UNC13C: variants seen among roughly 807,000 people sequenced by gnomAD.
UNC13C encodes the protein protein unc-13 homolog C.
Under a neutral mutation model 245.4 loss-of-function variants are expected in UNC13C, and 174 were observed. The ratio of observed to expected loss-of-function variants is 0.71; its 90% CI spans 0.63 to 0.80. The LOEUF (loss-of-function observed/expected upper bound fraction) is 0.80, where lower values mean the gene tolerates loss of function less well. Among genes scored for constraint, UNC13C ranks in the 30% least tolerant of loss-of-function variants. The pLI is 0.00. For synonymous variants in UNC13C, 992 were observed against 895.1 expected (o/e 1.11, Z -1.93); for missense variants, 2,829 against 2,602.9 (o/e 1.09, Z -1.89).
At chr15:54,535,437 C>G (rs1566894185) in intron 26 of UNC13C, among the ~76,000 whole-genome samples, 6 of 151,944 alleles carry the variant, frequency 3.9e-5, no homozygotes, top group African/African-American at 1.2e-4. Flanking sequence ...TGAGACAGAT[C>G]ACTGAGGCAG....
chr15:54,521,780 C>T (rs1224677415), intron 24 of UNC13C, among the ~76,000 whole-genome samples: 8 of 152,160 alleles, frequency 5.3e-5, no homozygotes, highest in Admixed American at 5.2e-4. Context: ...GCAAAATATC[C>T]TATTCATAGT....
chr15:53,930,699 C>G, the UNC13C span, among the ~76,000 whole-genome samples: 4,293 of 152,228 alleles, frequency 0.028, 88 homozygotes, highest in East Asian at 0.07. Context: ...ATACTCATTA[C>G]TTGACAGAAT....
At chr15:54,236,119 A>G (rs1375034852) in intron 5 of UNC13C, among the ~76,000 whole-genome samples, 5 of 152,148 alleles carry the variant, frequency 3.3e-5, no homozygotes, top group Non-Finnish European at 7.3e-5. Context: ...TATGAAAAAT[A>G]TATTTTCCCC....
chr15:54,589,289 CTTTTTTTTTTT>C (rs71105821), intron 30 of UNC13C, among the ~76,000 whole-genome samples: 19 of 53,496 alleles, frequency 3.6e-4, no homozygotes, highest in African/African-American at 1.3e-3. Context: ...TCTTCTTCTT[CTTTTTTTTTTT>C]TTTTTTTTTT....
chr15:54,468,385 ATTGTCTCCCAATCCATGGG>A (rs527266067), intron 19 of UNC13C, among the ~76,000 whole-genome samples: 46 of 151,710 alleles, frequency 3.0e-4, no homozygotes, highest in Non-Finnish European at 5.9e-4. Context: ...ATTTGAAAAT[ATTGTCTCCCAATCCATGGG>A]TTGTCTCTTC....
At chr15:54,103,851 T>G (rs539748638) in intron 2 of UNC13C, among the ~76,000 whole-genome samples, 62 of 152,322 alleles carry the variant, frequency 4.1e-4, no homozygotes, top group African/African-American at 1.5e-3. Flanking sequence ...GTCAAATGAT[T>G]CTCCTGCCTC....
chr15:53,864,437 C>G, the UNC13C span, among the ~76,000 whole-genome samples: 1 of 152,174 alleles, frequency 6.6e-6, no homozygotes. Context: ...CTCTTAACCT[C>G]TTTCAAAGAA....
At chr15:54,027,006 T>C (rs1896138633) in intron 2 of UNC13C, among the ~76,000 whole-genome samples, 1 of 152,018 alleles carries the variant, frequency 6.6e-6, no homozygotes, top group African/African-American at 2.4e-5. Context: ...CATTACAGCT[T>C]AGAGGTTACA....
chr15:54,128,542 T>G (rs1283476368), intron 2 of UNC13C, among the ~76,000 whole-genome samples: 1 of 152,230 alleles, frequency 6.6e-6, no homozygotes, highest in Admixed American at 6.5e-5. Flanking sequence ...GGTCTTGCTA[T>G]GACAAGTAAG....
intron 1 of UNC13C, among the ~76,000 whole-genome samples, chr15:53,993,722 C>A (rs972562713): frequency 1.3e-5 from 2 of 151,928 alleles, no homozygotes; most frequent in African/African-American, 2.4e-5. Flanking sequence ...TTTTAATCTG[C>A]AACGTTTTAG....
chr15:54,215,589 A>G (rs997402970), intron 4 of UNC13C, among the ~76,000 whole-genome samples: 1 of 151,986 alleles, frequency 6.6e-6, no homozygotes, highest in Non-Finnish European at 1.5e-5. Flanking sequence ...AAGAAAAGAG[A>G]AAGTAATTTA....
intron 1 of UNC13C, among the ~76,000 whole-genome samples, chr15:54,009,482 T>C (rs964265335): frequency 6.6e-6 from 1 of 152,216 alleles, no homozygotes; most frequent in Non-Finnish European, 1.5e-5. Flanking sequence ...GGAAATGCTA[T>C]TTCTGTCCCA....
chr15:54,327,243 G>C (rs2038320887), intron 14 of UNC13C, among the ~76,000 whole-genome samples: 1 of 151,896 alleles, frequency 6.6e-6, no homozygotes, highest in Non-Finnish European at 1.5e-5. Context: ...ATTTACTTGA[G>C]TATATACATG....
At chr15:54,063,523 T>A (rs1897938378) in intron 2 of UNC13C, among the ~76,000 whole-genome samples, 1 of 152,086 alleles carries the variant, frequency 6.6e-6, no homozygotes, top group Non-Finnish European at 1.5e-5. Flanking sequence ...ATTTTTTTTT[T>A]AACATCCTCA....
At chr15:54,584,615 C>G (rs2141244915) in intron 30 of UNC13C, among the ~76,000 whole-genome samples, 1 of 152,232 alleles carries the variant, frequency 6.6e-6, no homozygotes, top group East Asian at 2.0e-4. Flanking sequence ...GTCAGTTTTT[C>G]TTTCCTTTAG....
At chr15:54,631,408 G>A (rs1464063324), downstream of UNC13C, 1 of 152,150 alleles carries the variant, frequency 6.6e-6, no homozygotes, top group East Asian at 1.9e-4. Context: ...ATACATTTCT[G>A]TGTTATGACA....
At chr15:54,623,741 A>T in intron 31 of UNC13C, 54 bp from the exon 32 acceptor site, 2 of 1,522,154 alleles carry the variant, frequency 1.3e-6, no homozygotes, top group South Asian at 1.2e-5. Context: ...TTAAAATTTC[A>T]CTCTAAATTT....
intron 2 of UNC13C, among the ~76,000 whole-genome samples, chr15:54,108,321 G>A (rs1377872145): frequency 6.6e-6 from 1 of 152,060 alleles, no homozygotes; most frequent in Non-Finnish European, 1.5e-5. Context: ...CCAGTAGCTG[G>A]GACTACAGGC....
chr15:54,098,777 G>T (rs1465054402), intron 2 of UNC13C, among the ~76,000 whole-genome samples: 1 of 152,178 alleles, frequency 6.6e-6, no homozygotes, highest in Non-Finnish European at 1.5e-5. Context: ...AAGAAAGTCA[G>T]TGTTTTCTTT....
Sources: allele counts gnomAD v4.1 joint callset (sites outside exome capture counted in the v4.1 genomes callset), GRCh38; gene constraint gnomAD v4.1.1; transcripts MANE v1.5; gene names NCBI Gene and HGNC (gene_info 2026-07-23, HGNC 2026-07-21).